SDCBP: variants seen among roughly 807,000 people sequenced by gnomAD.
SDCBP encodes the protein syntenin-1.
SDCBP carries 22 observed loss-of-function variants against 30.5 expected under a neutral mutation model. The observed-to-expected ratio is 0.72, with a 90% CI of 0.52 to 1.03. SDCBP has a LOEUF of 1.03. Among genes scored for constraint, SDCBP ranks in the 50% least tolerant of loss-of-function variants. The pLI is 0.00. For synonymous variants in SDCBP, 103 were observed against 118.7 expected (o/e 0.87, Z 0.86); for missense variants, 304 against 369.9 (o/e 0.82, Z 1.46).
At chr8:58,568,960 C>G (rs982434515) in intron 2 of SDCBP, among the ~76,000 whole-genome samples, 1 of 151,970 alleles carries the variant, frequency 6.6e-6, no homozygotes, top group African/African-American at 2.4e-5. Flanking sequence ...TCATGGTTCA[C>G]TGCAGCGTCC....
chr8:58,553,640 G>A (rs989467414), intron 1 of SDCBP, among the ~76,000 whole-genome samples: 7 of 152,346 alleles, frequency 4.6e-5, no homozygotes, highest in Non-Finnish European at 8.8e-5. Flanking sequence ...CCCCGCCCCA[G>A]CTCTGGGGTT....
intron 2 of SDCBP, among the ~76,000 whole-genome samples, chr8:58,565,962 C>T (rs1804688981): frequency 2.0e-5 from 3 of 152,084 alleles, no homozygotes; most frequent in Admixed American, 2.0e-4. Context: ...ATTCAATTTA[C>T]TTACTGATAA....
intron 1 of SDCBP, among the ~76,000 whole-genome samples, chr8:58,563,633 A>G (rs1804552207): frequency 1.3e-5 from 2 of 152,208 alleles, no homozygotes; most frequent in Admixed American, 6.5e-5. Context: ...TGATTTTAAC[A>G]GTGGAGGTTT....
chr8:58,579,577 G>A, intron 6 of SDCBP, 46 bp from the exon 7 acceptor site: 1 of 1,386,586 alleles, frequency 7.2e-7, no homozygotes, highest in Non-Finnish European at 9.6e-7. Context: ...CCATTAAAAT[G>A]TTTAGCTTAG....
At chr8:58,564,182 TAAG>T (rs1204299103) in intron 1 of SDCBP, among the ~76,000 whole-genome samples, 1 of 152,094 alleles carries the variant, frequency 6.6e-6, no homozygotes, top group African/African-American at 2.4e-5. Flanking sequence ...GAGAAAGCAA[TAAG>T]AAGTGGATTT....
chr8:58,578,230 C>A, intron 6 of SDCBP, 22 bp downstream of exon 6: 1 of 1,458,152 alleles, frequency 6.9e-7, no homozygotes, highest in Non-Finnish European at 9.1e-7. Context: ...CTAAACAGCT[C>A]AAATGAAAAT....
intron 1 of SDCBP, among the ~76,000 whole-genome samples, chr8:58,554,344 A>G (rs1803982205): frequency 6.6e-6 from 1 of 152,194 alleles, no homozygotes; most frequent in Non-Finnish European, 1.5e-5. Context: ...AAATTTGTTC[A>G]GTCTTTTTAT....
At chr8:58,570,019 GA>G (rs1210239920) in intron 2 of SDCBP, among the ~76,000 whole-genome samples, 1 of 152,080 alleles carries the variant, frequency 6.6e-6, no homozygotes, top group East Asian at 1.9e-4. Context: ...ATACTACTAT[GA>G]ACTTCATTTT....
At chr8:58,559,831 C>T (rs1804341658) in intron 1 of SDCBP, among the ~76,000 whole-genome samples, 1 of 152,156 alleles carries the variant, frequency 6.6e-6, no homozygotes, top group African/African-American at 2.4e-5. Context: ...AAACCAGCTG[C>T]AGTGAAGATG....
chr8:58,556,008 T>G (rs1804076889), intron 1 of SDCBP, among the ~76,000 whole-genome samples: 1 of 152,236 alleles, frequency 6.6e-6, no homozygotes, highest in Non-Finnish European at 1.5e-5. Flanking sequence ...CTCCAAATTT[T>G]CCTGGTTTTG....
chr8:58,561,817 G>C lies in SDCBP; in HGVS notation c.-15-3202G>C, dbSNP rs1453147841. 3 of 681,726 alleles carry C rather than the reference G, an allele frequency of 4.4e-6. No homozygotes were observed. The East Asian group carries it at 8.1e-5, about 19-fold the overall frequency. The allele number at this position is 681,726 out of a possible 1,614,324, so 42.2% of individuals were successfully genotyped here. ...GGTGGTGAGTAAATCACTTATTTCT[G>C]ATATATAAGTCTAAGACAAAAGTTT... On this transcript the variant is annotated intron_variant, in intron 1 of 8. Coordinates refer to ENST00000260130, the MANE Select transcript of SDCBP (RefSeq NM_005625.4).
chr8:58,580,177 G>A (rs1805601751), intron 7 of SDCBP, among the ~76,000 whole-genome samples: 1 of 152,100 alleles, frequency 6.6e-6, no homozygotes, highest in South Asian at 2.1e-4. Flanking sequence ...AAATAAGTCT[G>A]TCTTAAGGTC....
At chr8:58,557,370 A>T (rs1804194742) in intron 1 of SDCBP, among the ~76,000 whole-genome samples, 1 of 135,280 alleles carries the variant, frequency 7.4e-6, no homozygotes. Context: ...ATAAAAATAT[A>T]TAAATATAAA....
In SDCBP at chr8:58,563,414, G is replaced by A. The variant is rs974077031; in HGVS notation, c.-15-1605G>A. Among the ~76,000 whole-genome samples the A allele has an allele frequency of 3.3e-5, 5 of 152,284 alleles. No individual in the cohort carries two copies. In the South Asian group the frequency reaches 1.0e-3, roughly 32 times the overall value. On this transcript the variant is annotated intron_variant, in intron 1 of 8. Coordinates refer to ENST00000260130, the MANE Select transcript of SDCBP (RefSeq NM_005625.4). ...GGAAAGTGTATGTTGCCTGGAGCTG[G>A]AAGGAGGGTAGAATGGGGAGGCATG...
intron 1 of SDCBP, among the ~76,000 whole-genome samples, chr8:58,557,229 A>G (rs1254409508): frequency 7.8e-6 from 1 of 128,500 alleles, no homozygotes; most frequent in East Asian, 2.1e-4. Flanking sequence ...ATATTCCAGG[A>G]AAATGATATT....
At chr8:58,569,294 C>T (rs2085677276) in intron 2 of SDCBP, among the ~76,000 whole-genome samples, 1 of 135,236 alleles carries the variant, frequency 7.4e-6, no homozygotes, top group African/African-American at 3.4e-5. Flanking sequence ...AGTTGAACTC[C>T]TGACTTCAGG....
At chr8:58,563,590 A>G (rs1804550055) in intron 1 of SDCBP, among the ~76,000 whole-genome samples, 1 of 152,194 alleles carries the variant, frequency 6.6e-6, no homozygotes, top group Non-Finnish European at 1.5e-5. Flanking sequence ...AAACTATCTC[A>G]TACTGTCCAA....
At position 58,572,242 on chromosome 8, in the gene SDCBP, C is replaced by T. The variant is rs139716453; in HGVS notation, c.168C>T (p.Tyr56=). The T allele has an allele frequency of 2.3e-4, 371 of 1,611,716 alleles. 1 individual carries two copies. The East Asian group carries it at 8.1e-3, about 35-fold the overall frequency. ...GACTGTATCCAGAGCTCTCTCAATA[C>T]ATGGGGCTGAGTTTAAATGAAGAAG... ...YPRLYPELSQ[Y]MGLSLNEEEI... The change falls in exon 4 of 9, where the codon TAC becomes TAT. Residue 56 remains tyrosine (Y), a synonymous_variant. Transcript: ENST00000260130.
intron 1 of SDCBP, among the ~76,000 whole-genome samples, 159 bp downstream of exon 1, chr8:58,553,462 G>T (rs1803918747): frequency 6.6e-6 from 1 of 152,178 alleles, no homozygotes; most frequent in Admixed American, 6.5e-5. Flanking sequence ...AGGGGGCTCC[G>T]CGCCCCTCCC....
Sources: allele counts gnomAD v4.1 joint callset (sites outside exome capture counted in the v4.1 genomes callset), GRCh38; gene constraint gnomAD v4.1.1; transcripts MANE v1.5; gene names NCBI Gene and HGNC (gene_info 2026-07-23, HGNC 2026-07-21).